Variants in SOS1 observed in about 807,000 individuals in gnomAD.
The protein encoded by SOS1 is SOS Ras/Rac guanine nucleotide exchange factor 1, also known as son of sevenless homolog 1.
A neutral mutation model predicts 157.6 loss-of-function variants in SOS1; 25 were observed. The ratio of observed to expected loss-of-function variants is 0.16; its 90% confidence interval spans 0.12 to 0.22. The LOEUF (loss-of-function observed/expected upper bound fraction) is 0.22. Ranked by LOEUF, SOS1 falls within the 10% of genes least tolerant of loss-of-function variation. SOS1 has a pLI of 1.00. For synonymous variants in SOS1, 528 were observed against 534.0 expected, an observed-to-expected ratio of 0.99 and a Z score of 0.16; for missense variants, 1,237 against 1,599.1, an observed-to-expected ratio of 0.77 and a Z score of 3.86.
intron 10 of SOS1, among the ~76,000 whole-genome samples, chr2:39,021,005 A>T (rs1669777703): frequency 6.6e-6 from 1 of 151,744 alleles, no homozygotes; most frequent in Non-Finnish European, 1.5e-5. Context: ...ATCAACTTAA[A>T]TTTTCAATAC....
chr2:39,036,225 A>G (rs577042978), intron 6 of SOS1, among the ~76,000 whole-genome samples: 1 of 152,322 alleles, frequency 6.6e-6, no homozygotes, highest in East Asian at 1.9e-4. Flanking sequence ...GCTCATTTCC[A>G]TAAAGGGTAA....
chr2:39,040,536 A>C (rs1558483369), intron 6 of SOS1, among the ~76,000 whole-genome samples: 1 of 152,120 alleles, frequency 6.6e-6, no homozygotes, highest in Non-Finnish European at 1.5e-5. Flanking sequence ...TGTCTCTATG[A>C]ATTTGACTAC....
chr2:39,037,530 T>C (rs1479169769), intron 6 of SOS1, among the ~76,000 whole-genome samples: 2 of 151,794 alleles, frequency 1.3e-5, no homozygotes, highest in East Asian at 1.9e-4. Flanking sequence ...TTCACAATTA[T>C]AAAAAAAAAT....
intron 22 of SOS1, 96 bp from the exon 23 acceptor site, chr2:38,986,411 G>A (rs1300679724): frequency 1.7e-5 from 20 of 1,181,284 alleles, no homozygotes; most frequent in Non-Finnish European, 2.0e-5. Flanking sequence ...CATGCTATTG[G>A]CAGGATGCTA....
chr2:39,089,491 G>T (rs1291048629), intron 1 of SOS1, among the ~76,000 whole-genome samples: 29 of 147,310 alleles, frequency 2.0e-4, no homozygotes, highest in Admixed American at 4.1e-4. Context: ...ATTGTGCCAT[G>T]GCACTCCAGC....
intron 1 of SOS1, among the ~76,000 whole-genome samples, chr2:39,078,272 T>G (rs1672083454): frequency 6.6e-6 from 1 of 152,142 alleles, no homozygotes. Flanking sequence ...ACCTACTATT[T>G]TGACAAAAAT....
At chr2:39,101,793 T>G (rs1207678962) in intron 1 of SOS1, among the ~76,000 whole-genome samples, 1 of 152,144 alleles carries the variant, frequency 6.6e-6, no homozygotes, top group Non-Finnish European at 1.5e-5. Flanking sequence ...GTACTCCAGG[T>G]AACACCAGGT....
chr2:39,015,918 A>G (rs1669617191), intron 10 of SOS1, among the ~76,000 whole-genome samples: 1 of 149,336 alleles, frequency 6.7e-6, no homozygotes, highest in Admixed American at 6.8e-5. Context: ...TAGTAAATTC[A>G]TAGAGGGTAG....
At chr2:39,119,916 C>A (rs1466339698) in intron 1 of SOS1, among the ~76,000 whole-genome samples, 1 of 152,162 alleles carries the variant, frequency 6.6e-6, no homozygotes, top group African/African-American at 2.4e-5. Flanking sequence ...GCAAGCCTTA[C>A]GGCCAGGGCA....
intron 6 of SOS1, among the ~76,000 whole-genome samples, chr2:39,036,222 T>C (rs558312602): frequency 6.6e-6 from 1 of 152,222 alleles, no homozygotes; most frequent in Admixed American, 6.5e-5. Flanking sequence ...TGAGCTCATT[T>C]CCATAAAGGG....
At chr2:39,120,224 C>T in intron 1 of SOS1, 112 bp downstream of exon 1, 1 of 968,390 alleles carries the variant, frequency 1.0e-6, no homozygotes, top group Non-Finnish European at 1.4e-6. Flanking sequence ...TTTGGAGACG[C>T]GGCGAGACCG....
chr2:39,017,360 T>C (rs1397115780), intron 10 of SOS1, among the ~76,000 whole-genome samples: 1 of 152,088 alleles, frequency 6.6e-6, no homozygotes, highest in African/African-American at 2.4e-5. Context: ...GTACCTGTAC[T>C]GCTAATCTTG....
At chr2:39,007,254 A>G in intron 15 of SOS1, 61 bp from the exon 16 acceptor site, 2 of 1,071,026 alleles carry the variant, frequency 1.9e-6, no homozygotes, top group Non-Finnish European at 2.9e-6. Context: ...GTTATAGCTT[A>G]AAGAATTTAG....
At chr2:39,094,084 C>A (rs913494129) in intron 1 of SOS1, among the ~76,000 whole-genome samples, 1 of 151,944 alleles carries the variant, frequency 6.6e-6, no homozygotes, top group Non-Finnish European at 1.5e-5. Flanking sequence ...GAATCCAGAT[C>A]GTACTATTAA....
intron 6 of SOS1, among the ~76,000 whole-genome samples, chr2:39,050,261 T>C (rs1558488970): frequency 6.6e-6 from 1 of 152,180 alleles, no homozygotes; most frequent in Non-Finnish European, 1.5e-5. Context: ...TGCTAACTTA[T>C]TAGGACTGAC....
intron 1 of SOS1, among the ~76,000 whole-genome samples, chr2:39,116,944 T>C (rs1258487006): frequency 2.0e-5 from 3 of 152,160 alleles, no homozygotes; most frequent in African/African-American, 7.2e-5. Flanking sequence ...ATATAAAAAC[T>C]GTTCATAAAC....
chr2:39,035,321 A>C lies in SOS1; in HGVS notation c.976-11T>G. On this transcript the variant is annotated splice_polypyrimidine_tract_variant and intron_variant, in intron 7 of 22. Coordinates refer to ENST00000402219, the MANE Select transcript of SOS1 (RefSeq NM_005633.4). Reference sequence around the variant, plus strand: ...ACCTTCGCCTATTGACTGGAAAAAAAAGTGATTTAATTTTTTTTTTAAGTT... The same window carrying C: ...ACCTTCGCCTATTGACTGGAAAAAACAGTGATTTAATTTTTTTTTTAAGTT... 1 of 1,611,894 alleles carries C rather than the reference A, an allele frequency of 6.2e-7. No homozygotes were observed. Among genetic ancestry groups the C allele is most frequent in the South Asian group, 1.1e-5 (1 of 91,026 alleles).
intron 17 of SOS1, among the ~76,000 whole-genome samples, chr2:39,004,863 G>GA (rs530063122): frequency 8.8e-5 from 13 of 147,392 alleles, no homozygotes; most frequent in Admixed American, 3.4e-4. Flanking sequence ...TAATAGAAAT[G>GA]AAAAAAAAAA....
upstream of SOS1, among the ~76,000 whole-genome samples, chr2:39,121,630 G>C (rs568444243): frequency 8.9e-4 from 135 of 152,288 alleles, 1 homozygote; most frequent in South Asian, 0.019. Context: ...AGTGGATATC[G>C]AGACCTCTTT....
Sources: allele counts gnomAD v4.1 joint callset (sites outside exome capture counted in the v4.1 genomes callset), GRCh38; gene constraint gnomAD v4.1.1; transcripts MANE v1.5; gene names NCBI Gene and HGNC (gene_info 2026-07-23, HGNC 2026-07-21).